CYSLTR2: variants seen among roughly 807,000 people sequenced by gnomAD.
CYSLTR2 encodes the protein G-protein coupled receptor GPCR21.
For synonymous variants in CYSLTR2, 179 were observed against 160.8 expected (o/e 1.11, Z -0.86); for missense variants, 398 against 411.9 (o/e 0.97, Z 0.29).
chr13:48,709,653 C>A lies in CYSLTR2; in HGVS notation c.*1795C>A, dbSNP rs1594039343. 6.6e-6 allele frequency: 1 copy of A among 152,140 alleles called. No homozygotes were observed. The allele number at this position is 152,140 out of a possible 1,614,324, so 9.4% of individuals were successfully genotyped here. A position where few individuals can be genotyped will look rare whatever the true frequency, so the allele number is the denominator to read the frequency against. ...TGAAAAGTAGTCAATGAACACAATA[C>A]ATTTGAGGGAAAGGCCGTAACATGA... On this transcript the variant is annotated 3_prime_UTR_variant, in exon 5 of 5. Transcript: ENST00000682523.
At chr13:48,678,111 A>T (rs1391349983) in intron 1 of CYSLTR2, among the ~76,000 whole-genome samples, 2 of 152,126 alleles carry the variant, frequency 1.3e-5, no homozygotes, top group East Asian at 3.9e-4. Flanking sequence ...TGCATTTTAG[A>T]GAGGTGACAC....
chr13:48,678,802 A>G lies in CYSLTR2; in HGVS notation c.-265-12410A>G, dbSNP rs541831643. ...ACTTCCCTTTTCCCTGACCCTCTAT[A>G]TTTAGTCCATCCACAGTCTGGTCAG... On this transcript the variant is annotated intron_variant, in intron 1 of 4. Coordinates refer to ENST00000682523, the MANE Select transcript of CYSLTR2 (RefSeq NM_001308476.3). Among the ~76,000 whole-genome samples, 104 of 151,924 alleles carry G rather than the reference A, an allele frequency of 6.8e-4. 1 individual carries two copies. Among genetic ancestry groups the G allele is most frequent in the Non-Finnish European group, 1.1e-3 (77 of 67,946 alleles).
chr13:48,700,154 C>A (rs969342871), intron 4 of CYSLTR2, among the ~76,000 whole-genome samples: 1 of 152,206 alleles, frequency 6.6e-6, no homozygotes, highest in Admixed American at 6.5e-5. Flanking sequence ...AGGGAATCCT[C>A]CCTAATTCAT....
At chr13:48,700,950 G>A (rs1385426310) in intron 4 of CYSLTR2, among the ~76,000 whole-genome samples, 1 of 152,070 alleles carries the variant, frequency 6.6e-6, no homozygotes, top group Non-Finnish European at 1.5e-5. Context: ...AACTTACAAG[G>A]GATGTGAAGG....
At chr13:48,660,942 G>C (rs908687942) in intron 1 of CYSLTR2, among the ~76,000 whole-genome samples, 2 of 152,102 alleles carry the variant, frequency 1.3e-5, no homozygotes, top group African/African-American at 4.8e-5. Flanking sequence ...AGCTTATTCT[G>C]TCAGCCTTTG....
intron 1 of CYSLTR2, among the ~76,000 whole-genome samples, chr13:48,665,730 A>G (rs544094022): frequency 3.3e-5 from 5 of 152,186 alleles, no homozygotes; most frequent in African/African-American, 1.2e-4. Flanking sequence ...TATAGGCAGC[A>G]TATAGTTAGG....
chr13:48,701,537 G>A (rs1201761918), intron 4 of CYSLTR2, among the ~76,000 whole-genome samples: 1 of 151,756 alleles, frequency 6.6e-6, no homozygotes, highest in African/African-American at 2.4e-5. Flanking sequence ...ATATCCAGAA[G>A]CTACAAAGAA....
intron 4 of CYSLTR2, among the ~76,000 whole-genome samples, chr13:48,700,354 G>T (rs536571726): frequency 6.6e-6 from 1 of 152,154 alleles, no homozygotes; most frequent in Non-Finnish European, 1.5e-5. Context: ...GGGATGCAAG[G>T]CTGGTTCAAC....
chr13:48,657,424 T>G (rs982943629), intron 1 of CYSLTR2, among the ~76,000 whole-genome samples: 1 of 151,624 alleles, frequency 6.6e-6, no homozygotes, highest in Non-Finnish European at 1.5e-5. Flanking sequence ...TGTAAAGTCC[T>G]TAACGGAGAG....
intron 1 of CYSLTR2, among the ~76,000 whole-genome samples, chr13:48,677,459 C>T (rs1953628069): frequency 6.6e-6 from 1 of 152,104 alleles, no homozygotes; most frequent in South Asian, 2.1e-4. Context: ...GCATTTGATG[C>T]TCAGAGAGCA....
intron 1 of CYSLTR2, among the ~76,000 whole-genome samples, chr13:48,670,580 A>T (rs949743096): frequency 1.3e-5 from 2 of 152,156 alleles, no homozygotes; most frequent in Non-Finnish European, 2.9e-5. Flanking sequence ...CAAAGATCAG[A>T]TGGGAGCAGA....
intron 1 of CYSLTR2, among the ~76,000 whole-genome samples, chr13:48,671,242 T>C (rs568925978): frequency 6.6e-6 from 1 of 152,358 alleles, no homozygotes; most frequent in South Asian, 2.1e-4. Flanking sequence ...TTGGACTTCC[T>C]CTCTTCCTAT....
intron 1 of CYSLTR2, among the ~76,000 whole-genome samples, chr13:48,670,442 G>C (rs987368556): frequency 2.6e-5 from 4 of 152,100 alleles, no homozygotes; most frequent in African/African-American, 9.7e-5. Context: ...TCTATCTTGA[G>C]TTAATTTTTG....
At chr13:48,672,393 C>T (rs1953457029) in intron 1 of CYSLTR2, among the ~76,000 whole-genome samples, 1 of 152,056 alleles carries the variant, frequency 6.6e-6, no homozygotes, top group African/African-American at 2.4e-5. Flanking sequence ...TTAGACCTGT[C>T]CTGCTTTCTC....
At chr13:48,692,523 T>C (rs191134401) in intron 2 of CYSLTR2, among the ~76,000 whole-genome samples, 3 of 151,536 alleles carry the variant, frequency 2.0e-5, no homozygotes, top group Non-Finnish European at 4.4e-5. Flanking sequence ...ACATTTTAAC[T>C]GTAGCTTTAA....
chr13:48,698,851 A>G (rs1188071793), intron 4 of CYSLTR2, among the ~76,000 whole-genome samples: 1 of 152,234 alleles, frequency 6.6e-6, no homozygotes, highest in Non-Finnish European at 1.5e-5. Flanking sequence ...TGGAAAACAA[A>G]AAAAAGCAGG....
chr13:48,689,574 G>T (rs1229064134), intron 1 of CYSLTR2, among the ~76,000 whole-genome samples: 1 of 152,010 alleles, frequency 6.6e-6, no homozygotes, highest in Non-Finnish European at 1.5e-5. Flanking sequence ...GATGTGTGGT[G>T]TTATTTCTGA....
At chr13:48,693,887 A>G (rs999772504) in intron 3 of CYSLTR2, among the ~76,000 whole-genome samples, 8 of 152,230 alleles carry the variant, frequency 5.3e-5, no homozygotes, top group Non-Finnish European at 8.8e-5. Flanking sequence ...GTGCCTCTAA[A>G]GTAAACCATC....
Position 48,676,372 on chromosome 13 carries a change from A to T in CYSLTR2, c.-265-14840A>T, listed in dbSNP as rs572686890. 1.6e-4 allele frequency among the ~76,000 whole-genome samples: 24 copies of T among 152,346 alleles called. No individual in the cohort carries two copies. In the East Asian group the frequency reaches 4.2e-3, roughly 27 times the overall value. On this transcript the variant is annotated intron_variant, in intron 1 of 4. Transcript: ENST00000682523. ...GATAGGCAATTACACTCTCTGAGTG[A>T]AATGAAAATTGCATTTTAATTGGTT...
Sources: gnomAD v4.1 joint callset for allele counts (sites outside exome capture counted in the v4.1 genomes callset) on GRCh38, gnomAD v4.1.1 for gene constraint, MANE v1.5 for transcripts, NCBI Gene and HGNC (gene_info 2026-07-23, HGNC 2026-07-21) for gene names.